The following TET2 variants were observed in gnomAD, a reference collection of about 807,000 sequenced individuals.
TET2 encodes the protein methylcytosine dioxygenase TET2.
TET2 carries 299 observed loss-of-function variants against 142.9 expected under a neutral mutation model. The observed-to-expected ratio is 2.09, with a 90% confidence interval of 1.90 to 2.30. The LOEUF (loss-of-function observed/expected upper bound fraction) is 2.30, where lower values mean the gene tolerates loss of function less well. Among genes scored for constraint, TET2 ranks in the 30% most tolerant of loss-of-function variants. The pLI, the probability that TET2 is intolerant of heterozygous loss-of-function variation, is 0.00. For synonymous variants in TET2, 819 were observed against 849.0 expected (o/e 0.96, Z 0.61); for missense variants, 2,418 against 2,378.0 (o/e 1.02, Z -0.35).
chr4:105,276,160 A>C lies in TET2; in HGVS notation c.5650A>C (p.Thr1884Pro). ...TGCAAAGCGTGAGCTGCATGCCACAACCCCTTTAAAGAATCCCAATAGGAA... is the reference window on the plus strand; with the variant it reads ...TGCAAAGCGTGAGCTGCATGCCACACCCCCTTTAAAGAATCCCAATAGGAA... Reference protein sequence around the residue: ...ECAKRELHATTPLKNPNRNHP... With the variant: ...ECAKRELHATPPLKNPNRNHP... Residue 1884 changes from threonine to proline, a missense_variant, in exon 11 of 11, where the codon ACC becomes CCC. Coordinates refer to ENST00000380013, the MANE Select transcript of TET2 (RefSeq NM_001127208.3). The C allele has an allele frequency of 6.4e-7, 1 of 1,551,394 alleles. No individual in the cohort carries two copies. Among genetic ancestry groups the C allele is most frequent in the Non-Finnish European group, 8.7e-7 (1 of 1,146,914 alleles).
Position 105,209,467 on chromosome 4 carries a change from A to G in TET2, c.-47+18962A>G, listed in dbSNP as rs570984227. 1.2e-3 allele frequency among the ~76,000 whole-genome samples: 177 copies of G among 151,966 alleles called. 1 individual carries two copies. The highest frequency in any genetic ancestry group is 2.0e-3 in the Non-Finnish European group (137 of 67,888). On this transcript the variant is annotated intron_variant, in intron 2 of 10. Coordinates refer to ENST00000380013, the MANE Select transcript of TET2 (RefSeq NM_001127208.3). The stretch of plus-strand genomic sequence containing the variant: ...AGTCAGTGGGGTTGACTTCTAGACT[A>G]GAGATCAAAATGTTCTACACCTCTT...
chr4:105,148,002 C>G (rs893593422), intron 1 of TET2, among the ~76,000 whole-genome samples: 22 of 152,140 alleles, frequency 1.4e-4, no homozygotes, highest in African/African-American at 5.3e-4. Context: ...TCTTTCATCT[C>G]TCTGCCTTTC....
At chr4:105,255,257 G>T (rs1730064583) in intron 6 of TET2, among the ~76,000 whole-genome samples, 1 of 152,020 alleles carries the variant, frequency 6.6e-6, no homozygotes, top group Non-Finnish European at 1.5e-5. Flanking sequence ...TTTCTATCAT[G>T]TTTTTTTGAT....
At chr4:105,197,136 A>T (rs1726141736) in intron 2 of TET2, among the ~76,000 whole-genome samples, 1 of 152,178 alleles carries the variant, frequency 6.6e-6, no homozygotes, top group African/African-American at 2.4e-5. Flanking sequence ...TTTTTTCACT[A>T]AAGTATCCTA....
chr4:105,247,281 G>C (rs1480060602), intron 6 of TET2, among the ~76,000 whole-genome samples: 1 of 152,122 alleles, frequency 6.6e-6, no homozygotes, highest in Non-Finnish European at 1.5e-5. Flanking sequence ...AACAGGTAAA[G>C]ACTTTATCAT....
intron 2 of TET2, among the ~76,000 whole-genome samples, chr4:105,216,923 T>C (rs1464397555): frequency 6.6e-6 from 1 of 152,084 alleles, no homozygotes; most frequent in Non-Finnish European, 1.5e-5. Flanking sequence ...TATATGGAAA[T>C]TTCTTTGCAG....
chr4:105,217,558 G>A (rs1362755136), intron 2 of TET2, among the ~76,000 whole-genome samples: 1 of 151,962 alleles, frequency 6.6e-6, no homozygotes, highest in African/African-American at 2.4e-5. Flanking sequence ...CAATGATCCT[G>A]TGTTTCATTA....
chr4:105,236,485 C>CT lies in TET2; in HGVS notation c.2544dup (p.Thr849TyrfsTer4). On this transcript the variant is annotated frameshift_variant, in exon 3 of 11. Coordinates refer to ENST00000380013, the MANE Select transcript of TET2 (RefSeq NM_001127208.3). LOFTEE classifies it high-confidence loss of function. ...CTAGTTTCAGAGAATAAAGAACAGA[C>CT]TACACATCCTGAACTTTTTGCAGGA... The CT allele has an allele frequency of 6.2e-7, 1 of 1,614,114 alleles. No individual in the cohort carries two copies. The highest frequency in any genetic ancestry group is 8.5e-7 in the Non-Finnish European group (1 of 1,179,992).
intron 2 of TET2, among the ~76,000 whole-genome samples, chr4:105,205,626 A>T (rs1432856414): frequency 1.3e-5 from 2 of 151,934 alleles, no homozygotes; most frequent in Non-Finnish European, 2.9e-5. Context: ...TATTCAAAAC[A>T]TTGTCTTTTT....
chr4:105,271,665 A>G (rs1463458643), intron 9 of TET2, among the ~76,000 whole-genome samples: 1 of 152,224 alleles, frequency 6.6e-6, no homozygotes, highest in East Asian at 1.9e-4. Context: ...TCTCTCAAGA[A>G]TATCTTCTAA....
chr4:105,250,940 C>A (rs1729843282), intron 6 of TET2, among the ~76,000 whole-genome samples: 1 of 152,066 alleles, frequency 6.6e-6, no homozygotes, highest in African/African-American at 2.4e-5. Flanking sequence ...CCTTGGCCTC[C>A]CAAAGTACTG....
intron 1 of TET2, among the ~76,000 whole-genome samples, chr4:105,174,771 A>G (rs546725685): frequency 6.7e-4 from 102 of 152,304 alleles, no homozygotes; most frequent in Non-Finnish European, 1.2e-3. Flanking sequence ...CCCTAAGGGG[A>G]GAAGAAAAGG....
intron 6 of TET2, among the ~76,000 whole-genome samples, chr4:105,253,781 A>G: frequency 6.6e-6 from 1 of 152,134 alleles, no homozygotes; most frequent in Non-Finnish European, 1.5e-5. Context: ...TTCTTTATTT[A>G]CATTAAATAT....
At chr4:105,262,297 C>T (rs1730475129) in intron 8 of TET2, among the ~76,000 whole-genome samples, 1 of 152,102 alleles carries the variant, frequency 6.6e-6, no homozygotes, top group Non-Finnish European at 1.5e-5. Flanking sequence ...ATATTTCGGT[C>T]CAGATGTGTC....
At chr4:105,163,852 AGAGTGT>A (rs1274952445) in intron 1 of TET2, among the ~76,000 whole-genome samples, 15 of 105,862 alleles carry the variant, frequency 1.4e-4, no homozygotes, top group East Asian at 5.4e-4. Context: ...AGAGAGAGAG[AGAGTGT>A]GTGTGTGTGT....
In TET2 at chr4:105,235,452, A is replaced by G; in HGVS notation, c.1510A>G (p.Lys504Glu). ...AATGACTGTTCCATTGTGTTCTGAG[A>G]AAACAAGACCAATGTCAGAACACCT... ...GTMTVPLCSE[K>E]TRPMSEHLKH... Residue 504 changes from lysine (K) to glutamate (E), a missense_variant, in exon 3 of 11, where the codon AAA becomes GAA. Coordinates refer to ENST00000380013, the MANE Select transcript of TET2 (RefSeq NM_001127208.3). The G allele has an allele frequency of 6.2e-7, 1 of 1,614,200 alleles. No homozygotes were observed. Among genetic ancestry groups the G allele is most frequent in the Non-Finnish European group, 8.5e-7 (1 of 1,180,024 alleles).
At chr4:105,205,751 C>T (rs1726779207) in intron 2 of TET2, among the ~76,000 whole-genome samples, 1 of 152,110 alleles carries the variant, frequency 6.6e-6, no homozygotes, top group Non-Finnish European at 1.5e-5. Context: ...CCTGCCTCAG[C>T]CTCCCGAGTA....
At chr4:105,242,277 GT>G (rs552814111) in intron 4 of TET2, 1 of 1,081,362 alleles carries the variant, frequency 9.2e-7, no homozygotes, top group Non-Finnish European at 1.1e-6. Context: ...TTTTTTTGTT[GT>G]TTTTTTGTTT....
intron 3 of TET2, chr4:105,238,104 T>A: frequency 4.5e-6 from 1 of 224,090 alleles, no homozygotes; most frequent in Non-Finnish European, 9.5e-6. Context: ...TACTATACTG[T>A]AACATACTAA....
Sources: allele counts gnomAD v4.1 joint callset (sites outside exome capture counted in the v4.1 genomes callset), GRCh38; gene constraint gnomAD v4.1.1; transcripts MANE v1.5; gene names NCBI Gene and HGNC (gene_info 2026-07-23, HGNC 2026-07-21).